The following TRPV1 variants were observed in gnomAD, a reference collection of about 807,000 sequenced individuals.
TRPV1 encodes the protein OTRPC1.
In TRPV1, 82 loss-of-function variants were observed where a neutral mutation model predicts 82.3. The ratio of observed to expected loss-of-function variants is 1.00; its 90% confidence interval spans 0.83 to 1.20. The LOEUF (loss-of-function observed/expected upper bound fraction) is 1.20. Ranked by LOEUF, TRPV1 falls within the 50% of genes most tolerant of loss-of-function variation. TRPV1 has a pLI of 0.00. For missense variants in TRPV1, 1,067 were observed against 1,096.8 expected (o/e 0.97, Z 0.38); for synonymous variants, 515 against 467.7 (o/e 1.10, Z -1.30).
intron 9 of TRPV1, 53 bp downstream of exon 9, chr17:3,585,715 C>G: frequency 6.3e-7 from 1 of 1,578,048 alleles, no homozygotes; most frequent in Admixed American, 1.8e-5. Flanking sequence ...ATGTCCACAC[C>G]CCTTCCCCAC....
rs779674219 is a variant in TRPV1 at position 3,572,214 on chromosome 17, G to A, written c.2139C>T (p.Phe713=). 2 of 1,611,520 alleles carry A rather than the reference G, an allele frequency of 1.2e-6. No individual in the cohort carries two copies. The highest frequency in any genetic ancestry group is 1.7e-5 in the Admixed American group (1 of 59,644). ...GGAAGGCCTTCCTCATGCACTTAAG[G>A]AAGCTCTTCTCCGTGTCCAGGATGG... ...AITILDTEKS[F]LKCMRKAFRS... is the part of the protein sequence containing the mutation. Residue 713 remains phenylalanine, a synonymous_variant, in exon 15 of 17, where the codon TTC becomes TTT. Transcript: ENST00000572705.
In TRPV1 at chr17:3,583,166, C is replaced by T. The variant is rs994301355; in HGVS notation, c.1476+172G>A. On this transcript the variant is annotated intron_variant, in intron 10 of 16. Transcript: ENST00000572705. ...TGTGGAGACGCCCTGAGCACCCTCC[C>T]GCCCCGCGGTGACTGACTGAAGGGC... 7.9e-5 allele frequency among the ~76,000 whole-genome samples: 12 copies of T among 152,260 alleles called. No homozygotes were observed. The East Asian group carries it at 1.5e-3, about 20-fold the overall frequency.
chr17:3,581,972 C>T lies in TRPV1; in HGVS notation c.1476+1366G>A, dbSNP rs371058607. Among the ~76,000 whole-genome samples, 166 of 147,172 alleles carry T rather than the reference C, an allele frequency of 1.1e-3. 2 individuals carry two copies. The highest frequency in any genetic ancestry group is 3.2e-3 in the African/African-American group (130 of 40,250). ...TTGGGAGGCCAAGGTGGGCGGATCA[C>T]GAGGTCAGGAGATCGAGACCATCCT... On this transcript the variant is annotated intron_variant, in intron 10 of 16. Coordinates refer to ENST00000572705, the MANE Select transcript of TRPV1 (RefSeq NM_080704.4).
In TRPV1 at chr17:3,598,813, T is replaced by C. The variant is rs531855109; in HGVS notation, c.-33-6430A>G. 3.3e-5 allele frequency among the ~76,000 whole-genome samples: 5 copies of C among 149,984 alleles called. No homozygotes were observed. In the East Asian group the frequency reaches 1.0e-3, roughly 31 times the overall value. On this transcript the variant is annotated intron_variant, in intron 2 of 16. Coordinates refer to ENST00000572705, the MANE Select transcript of TRPV1 (RefSeq NM_080704.4). Reference sequence around the variant, plus strand: ...AACTCCTGACCTCAAGTGATCCACCTGCCTCGGCCTCCCAAAGTGCTGGGA... The same window carrying C: ...AACTCCTGACCTCAAGTGATCCACCCGCCTCGGCCTCCCAAAGTGCTGGGA...
At chr17:3,573,238 TAC>T (rs1266083405) in intron 14 of TRPV1, among the ~76,000 whole-genome samples, 1 of 152,104 alleles carries the variant, frequency 6.6e-6, no homozygotes, top group African/African-American at 2.4e-5. Flanking sequence ...GTGCCCACCT[TAC>T]ACCAGGCTCC....
At chr17:3,588,525 C>T (rs372713798) in intron 7 of TRPV1, among the ~76,000 whole-genome samples, 158 bp from the exon 8 acceptor site, 11 of 152,136 alleles carry the variant, frequency 7.2e-5, no homozygotes, top group South Asian at 2.1e-4. Flanking sequence ...ATCAACCAGC[C>T]GGCCGGGCAC....
At chr17:3,572,465 T>G (rs985477127) in intron 14 of TRPV1, among the ~76,000 whole-genome samples, 1 of 152,124 alleles carries the variant, frequency 6.6e-6, no homozygotes, top group Admixed American at 6.5e-5. Flanking sequence ...CCTGTCCAGG[T>G]GCCACTGGTG....
intron 13 of TRPV1, among the ~76,000 whole-genome samples, chr17:3,574,776 C>G (rs111664466): frequency 2.0e-5 from 3 of 151,884 alleles, no homozygotes; most frequent in Admixed American, 6.6e-5. Context: ...GGGTGAAACC[C>G]GTCTCTACTA....
chr17:3,569,669 G>C (rs1228767379), intron 16 of TRPV1, among the ~76,000 whole-genome samples: 3 of 152,170 alleles, frequency 2.0e-5, no homozygotes, highest in African/African-American at 7.2e-5. Flanking sequence ...AGGATTCATG[G>C]GGGTGGAAGC....
Position 3,573,532 on chromosome 17 carries a change from G to GCCCCACCCCCCCCCCCCCCCC in TRPV1, c.2103+100_2103+101insGGGGGGGGGGGGGGGGTGGGG. 2 of 257,076 alleles carry GCCCCACCCCCCCCCCCCCCCC rather than the reference G, an allele frequency of 7.8e-6. 1 individual carries two copies. Among genetic ancestry groups the GCCCCACCCCCCCCCCCCCCCC allele is most frequent in the Non-Finnish European group, 1.5e-5 (2 of 130,288 alleles). 15.9% of individuals were successfully genotyped at this position (257,076 alleles called of 1,614,324 possible). A position where few individuals can be genotyped will look rare whatever the true frequency, so the allele number is the denominator to read the frequency against. On this transcript the variant is annotated intron_variant, in intron 14 of 16. Transcript: ENST00000572705. ...GCCCATACCCTCCTGGCCACACACC[G>GCCCCACCCCCCCCCCCCCCCC]CCCCCACCACCCACCCACCTGCAGC... is the stretch of plus-strand genomic sequence containing the variant.
intron 10 of TRPV1, among the ~76,000 whole-genome samples, chr17:3,583,046 A>C (rs987263921): frequency 4.0e-5 from 6 of 151,870 alleles, no homozygotes; most frequent in African/African-American, 1.5e-4. Context: ...TCATGATCCT[A>C]TCACTTAAGA....
intron 8 of TRPV1, 134 bp downstream of exon 8, chr17:3,588,054 A>T (rs2075105736): frequency 1.0e-6 from 1 of 994,328 alleles, no homozygotes; most frequent in Admixed American, 2.7e-5. Flanking sequence ...GGGGAACGTG[A>T]GGCTGCAGGG....
chr17:3,583,446 A>T lies in TRPV1; in HGVS notation c.1384-16T>A. The T allele has an allele frequency of 6.3e-7, 1 of 1,575,564 alleles. No homozygotes were observed. Among genetic ancestry groups the T allele is most frequent in the Non-Finnish European group, 8.7e-7 (1 of 1,155,768 alleles). Reference sequence around the variant, plus strand: ...TAAAGGGAGGCTGTGAGATGCAGAGAAGTTGGTAACTCCATTTACTCATTC... The same window carrying T: ...TAAAGGGAGGCTGTGAGATGCAGAGTAGTTGGTAACTCCATTTACTCATTC... On this transcript the variant is annotated splice_polypyrimidine_tract_variant and intron_variant, in intron 9 of 16. Coordinates refer to ENST00000572705, the MANE Select transcript of TRPV1 (RefSeq NM_080704.4).
chr17:3,573,532 G>GCCCACCCCC lies in TRPV1; in HGVS notation c.2103+100_2103+101insGGGGGTGGG. 4 of 257,074 alleles carry GCCCACCCCC rather than the reference G, an allele frequency of 1.6e-5. 2 individuals are homozygous for GCCCACCCCC. The highest frequency in any genetic ancestry group is 6.0e-5 in the South Asian group (2 of 33,506). 15.9% of individuals were successfully genotyped at this position (257,074 alleles called of 1,614,324 possible). ...GCCCATACCCTCCTGGCCACACACCGCCCCCACCACCCACCCACCTGCAGC... is the reference window on the plus strand; with the variant it reads ...GCCCATACCCTCCTGGCCACACACCGCCCACCCCCCCCCCACCACCCACCCACCTGCAGC... On this transcript the variant is annotated intron_variant, in intron 14 of 16. Coordinates refer to ENST00000572705, the MANE Select transcript of TRPV1 (RefSeq NM_080704.4).
chr17:3,575,953 G>C (rs10445287), intron 13 of TRPV1, among the ~76,000 whole-genome samples: 1 of 151,938 alleles, frequency 6.6e-6, no homozygotes, highest in Non-Finnish European at 1.5e-5. Flanking sequence ...AAGGTCAGGC[G>C]CGGTGGCTCA....
chr17:3,578,269 C>T (rs1345358399), intron 11 of TRPV1: 2 of 152,916 alleles, frequency 1.3e-5, no homozygotes, highest in Non-Finnish European at 2.9e-5. Flanking sequence ...GATCATGCCA[C>T]TGCACTCCAG....
At position 3,585,801 on chromosome 17, in the gene TRPV1, G is replaced by A. The variant is rs747867297; in HGVS notation, c.1350C>T (p.Thr450=). 5 of 1,613,758 alleles carry A rather than the reference G, an allele frequency of 3.1e-6. No individual in the cohort carries two copies. In the East Asian group the frequency reaches 1.1e-4, roughly 36 times the overall value. Residue 450 remains threonine, a synonymous_variant, in exon 9 of 17, where the codon ACC becomes ACT. Coordinates refer to ENST00000572705, the MANE Select transcript of TRPV1 (RefSeq NM_080704.4). ...LVYCLYMIIF[T]MAAYYRPVDG... ...CCACGGGCCTGTAGTAGGCAGCCATGGTGAAGATGATCATGTACAGGCAGT... is the reference window on the plus strand; with the variant it reads ...CCACGGGCCTGTAGTAGGCAGCCATAGTGAAGATGATCATGTACAGGCAGT...
At position 3,571,410 on chromosome 17, in the gene TRPV1, C is replaced by T. The variant is rs529402842; in HGVS notation, c.2347+114G>A. 444 of 793,110 alleles carry T rather than the reference C, an allele frequency of 5.6e-4. 6 individuals carry two copies. In the South Asian group the frequency reaches 5.7e-3, roughly 10 times the overall value. 49.1% of individuals were successfully genotyped at this position (793,110 alleles called of 1,614,324 possible). A position where few individuals can be genotyped will look rare whatever the true frequency, so the allele number is the denominator to read the frequency against. On this transcript the variant is annotated intron_variant, in intron 16 of 16. Transcript: ENST00000572705. Reference sequence around the variant, plus strand: ...CGACGTCAGGAGCTGCCACAGCGCCCGGGTCCTGGGGGGATGAGGAACCCG... The same window carrying T: ...CGACGTCAGGAGCTGCCACAGCGCCTGGGTCCTGGGGGGATGAGGAACCCG...
chr17:3,580,038 G>A (rs935646958), intron 11 of TRPV1, among the ~76,000 whole-genome samples: 1 of 52,832 alleles, frequency 1.9e-5, no homozygotes, highest in Non-Finnish European at 4.2e-5. Flanking sequence ...GCCCCGCCCC[G>A]CCCCCCAACC....
Sources: allele counts gnomAD v4.1 joint callset (sites outside exome capture counted in the v4.1 genomes callset), GRCh38; gene constraint gnomAD v4.1.1; transcripts MANE v1.5; gene names NCBI Gene and HGNC (gene_info 2026-07-23, HGNC 2026-07-21).